SDK1: variants seen among roughly 807,000 people sequenced by gnomAD.
The protein encoded by SDK1 is protein sidekick-1.
SDK1 carries 157 observed loss-of-function variants against 245.5 expected under a neutral mutation model. The observed-to-expected ratio is 0.64, with a 90% CI of 0.56 to 0.73. The LOEUF is 0.73. Among genes scored for constraint, SDK1 ranks in the 30% least tolerant of loss-of-function variants. SDK1 has a pLI of 0.00. For missense variants in SDK1, 3,583 were observed against 3,002.3 expected (o/e 1.19, Z -4.52); for synonymous variants, 1,647 against 1,278.5 (o/e 1.29, Z -6.15).
In SDK1 at chr7:4,012,630, GTGGC is replaced by G. The variant is rs1786082089; in HGVS notation, c.2420+396_2420+399del. On this transcript the variant is annotated intron_variant, in intron 16 of 44. Transcript: ENST00000404826. ...CTCTTGTTGCCCAGGCTGGAGTGCA[GTGGC>G]ACAATCTTGGCTCAATGCAACTTCC... is the stretch of plus-strand genomic sequence containing the variant. Among the ~76,000 whole-genome samples the G allele has an allele frequency of 2.4e-5, 3 of 125,436 alleles. 1 individual carries two copies. The highest frequency in any genetic ancestry group is 2.4e-4 in the East Asian group (1 of 4,104). 82.3% of individuals were successfully genotyped at this position (125,436 alleles called of 152,430 possible). A position where few individuals can be genotyped will look rare whatever the true frequency, so the allele number is the denominator to read the frequency against.
At chr7:3,515,238 T>G (rs766813132) in intron 1 of SDK1, among the ~76,000 whole-genome samples, 1 of 152,156 alleles carries the variant, frequency 6.6e-6, no homozygotes, top group Non-Finnish European at 1.5e-5. Context: ...GTGACCCTGC[T>G]GAGAGAACAC....
intron 1 of SDK1, among the ~76,000 whole-genome samples, chr7:3,369,271 C>T (rs1343521750): frequency 1.3e-5 from 2 of 152,078 alleles, no homozygotes; most frequent in African/African-American, 4.8e-5. Context: ...GTCTCAAACT[C>T]CTTAAGCAGT....
rs543580149 is a variant in SDK1 at position 4,036,449 on chromosome 7, A to G, written c.2603-12899A>G. Among the ~76,000 whole-genome samples the G allele has an allele frequency of 3.0e-4, 45 of 152,246 alleles. 3 individuals carry two copies. The South Asian group carries it at 8.7e-3, about 30-fold the overall frequency. ...GGATGCCGCTCTACCAGTCTTCATT[A>G]TTTTTCTTTAGGGCATAAACACTGA... On this transcript the variant is annotated intron_variant, in intron 17 of 44. Coordinates refer to ENST00000404826, the MANE Select transcript of SDK1 (RefSeq NM_152744.4).
At chr7:3,801,493 T>C (rs1779105723) in intron 4 of SDK1, among the ~76,000 whole-genome samples, 1 of 152,214 alleles carries the variant, frequency 6.6e-6, no homozygotes, top group South Asian at 2.1e-4. Context: ...AATTTACTTA[T>C]GACCATTGTA....
intron 5 of SDK1, among the ~76,000 whole-genome samples, chr7:3,920,556 G>A (rs1004334519): frequency 2.0e-5 from 3 of 152,084 alleles, no homozygotes; most frequent in African/African-American, 7.2e-5. Flanking sequence ...GATTAAGGTG[G>A]GAGGGCAGGA....
chr7:4,140,773 G>C (rs1779530979), intron 28 of SDK1, among the ~76,000 whole-genome samples: 1 of 152,120 alleles, frequency 6.6e-6, no homozygotes, highest in Non-Finnish European at 1.5e-5. Flanking sequence ...CTGGAATATA[G>C]AGGCCCCTAA....
chr7:3,566,424 A>G (rs531105531), intron 1 of SDK1, among the ~76,000 whole-genome samples: 7 of 151,998 alleles, frequency 4.6e-5, no homozygotes, highest in Admixed American at 3.9e-4. Context: ...ACGGGGTTTC[A>G]CTGTGTTAGC....
chr7:3,524,521 T>C (rs1459731335), intron 1 of SDK1, among the ~76,000 whole-genome samples: 1 of 151,960 alleles, frequency 6.6e-6, no homozygotes, highest in Non-Finnish European at 1.5e-5. Context: ...GACAGATGGG[T>C]TATGGAGTGT....
At chr7:3,500,579 C>A (rs1782165756) in intron 1 of SDK1, among the ~76,000 whole-genome samples, 1 of 152,052 alleles carries the variant, frequency 6.6e-6, no homozygotes, top group Admixed American at 6.6e-5. Flanking sequence ...GTAAGAATTT[C>A]TGTTTTCTCC....
At chr7:3,543,534 G>A (rs546609577) in intron 1 of SDK1, among the ~76,000 whole-genome samples, 106 of 152,306 alleles carry the variant, frequency 7.0e-4, no homozygotes, top group African/African-American at 2.2e-3. Context: ...ACCTCTACTC[G>A]TAGGGAATAA....
In SDK1 at chr7:4,221,267, G is replaced by A; in HGVS notation, c.5730G>A (p.Leu1910=). Residue 1910 remains leucine, a synonymous_variant, in exon 40 of 45, where the codon CTG becomes CTA. Coordinates refer to ENST00000404826, the MANE Select transcript of SDK1 (RefSeq NM_152744.4). ...CCCCGGGCTCGCCTAGAGATGTCCT[G>A]GTCACCAAGTCCGCCTCTGAACTGA... ...EGSPGSPRDV[L]VTKSASELTL... The A allele has an allele frequency of 1.2e-6, 2 of 1,613,758 alleles. No individual in the cohort carries two copies. The highest frequency in any genetic ancestry group is 8.5e-7 in the Non-Finnish European group (1 of 1,179,986).
At position 4,153,356 on chromosome 7, in the gene SDK1, C is replaced by T. The variant is rs896939124; in HGVS notation, c.4625+3893C>T. The stretch of plus-strand genomic sequence containing the variant: ...ATCCCAGCACTTTGGGAGGCCGAGG[C>T]GGGTGGATCACCTGAGGTCAGGAGA... On this transcript the variant is annotated intron_variant, in intron 30 of 44. Coordinates refer to ENST00000404826, the MANE Select transcript of SDK1 (RefSeq NM_152744.4). 4.0e-5 allele frequency among the ~76,000 whole-genome samples: 6 copies of T among 151,676 alleles called. No homozygotes were observed. The East Asian group carries it at 9.7e-4, about 24-fold the overall frequency.
chr7:3,926,997 C>T (rs1474933766), intron 5 of SDK1, among the ~76,000 whole-genome samples: 1 of 152,164 alleles, frequency 6.6e-6, no homozygotes, highest in Non-Finnish European at 1.5e-5. Context: ...ACTTGGGGGC[C>T]CGTCAATGCC....
rs148109807 is a variant in SDK1 at position 3,481,027 on chromosome 7, C to G, written c.299-138053C>G. Among the ~76,000 whole-genome samples the G allele has an allele frequency of 8.5e-4, 129 of 152,234 alleles. 4 individuals are homozygous for G. The East Asian group carries it at 0.023, about 28-fold the overall frequency. The stretch of plus-strand genomic sequence containing the variant: ...ATTTTGAATTTTTTACCTATTCTGA[C>G]AATACTTGTTTTAAATCAGAGAATT... On this transcript the variant is annotated intron_variant, in intron 1 of 44. Coordinates refer to ENST00000404826, the MANE Select transcript of SDK1 (RefSeq NM_152744.4).
intron 28 of SDK1, 95 bp from the exon 29 acceptor site, chr7:4,145,627 G>A: frequency 9.5e-7 from 1 of 1,056,346 alleles, no homozygotes; most frequent in African/African-American, 1.6e-5. Flanking sequence ...AGAGACAGAT[G>A]GCCTTCCAGG....
intron 1 of SDK1, among the ~76,000 whole-genome samples, chr7:3,495,685 G>A (rs1470341548): frequency 6.6e-6 from 1 of 152,214 alleles, no homozygotes; most frequent in Non-Finnish European, 1.5e-5. Context: ...TACTCCGTGT[G>A]GTTCCTGCGT....
chr7:3,612,505 A>G (rs867311449), intron 1 of SDK1, among the ~76,000 whole-genome samples: 2 of 152,306 alleles, frequency 1.3e-5, no homozygotes, highest in South Asian at 4.1e-4. Context: ...GAATGACTAC[A>G]CTTACCAGAA....
At position 4,130,067 on chromosome 7, in the gene SDK1, C is replaced by T; in HGVS notation, c.4099C>T (p.Pro1367Ser). The change falls in exon 27 of 45, where the codon CCC (proline) becomes TCC (serine). Residue 1367 changes from proline (P) to serine (S), a missense_variant. By Grantham distance (74) the Pro-to-Ser change is moderately conservative (BLOSUM62 -1). Transcript: ENST00000404826. ...CATCGGGAACGGGGTCCCCAGCACG[C>T]CCCTCATCCTGGAGCGCACCAAAGA... The part of the protein sequence containing the change: ...TRIGNGVPST[P>S]LILERTKDDA... 1 of 1,610,614 alleles carries T rather than the reference C, an allele frequency of 6.2e-7. No individual in the cohort carries two copies. The highest frequency in any genetic ancestry group is 8.5e-7 in the Non-Finnish European group (1 of 1,177,984).
In SDK1 at chr7:4,143,920, C is replaced by T. The variant is rs1232288201; in HGVS notation, c.4229-1802C>T. ...GCGTTGCAGGGATGCAGCAGGGTCC[C>T]TGGATGTGCCTAGCAGTGTAGCCGC... On this transcript the variant is annotated intron_variant, in intron 28 of 44. Coordinates refer to ENST00000404826, the MANE Select transcript of SDK1 (RefSeq NM_152744.4). Among the ~76,000 whole-genome samples the T allele has an allele frequency of 1.3e-5, 2 of 152,220 alleles. 1 individual carries two copies. The highest frequency in any genetic ancestry group is 3.9e-4 in the East Asian group (2 of 5,188).
Sources: gnomAD v4.1 joint callset for allele counts (sites outside exome capture counted in the v4.1 genomes callset) on GRCh38, gnomAD v4.1.1 for gene constraint, MANE v1.5 for transcripts, NCBI Gene and HGNC (gene_info 2026-07-23, HGNC 2026-07-21) for gene names.